The following BPIFA2 variants were observed in gnomAD, a reference collection of about 807,000 sequenced individuals.
BPIFA2 encodes the protein BPI fold containing family A member 2, also known as BPI fold-containing family A member 2.
BPIFA2 carries 20 observed loss-of-function variants against 25.7 expected under a neutral mutation model. That is an observed-to-expected ratio of 0.78 (90% CI 0.55 to 1.13). BPIFA2 has a LOEUF of 1.13. Ranked by LOEUF, BPIFA2 falls within the 50% of genes most tolerant of loss-of-function variation. BPIFA2 has a pLI of 0.00. For missense variants in BPIFA2, 300 were observed against 298.1 expected (o/e 1.01, Z -0.05); for synonymous variants, 126 against 124.3 (o/e 1.01, Z -0.09).
intron 4 of BPIFA2, 151 bp from the exon 5 acceptor site, chr20:33,175,256 C>A: frequency 2.8e-6 from 2 of 706,082 alleles, no homozygotes; most frequent in Non-Finnish European, 4.4e-6. Flanking sequence ...ATGTAAATCT[C>A]ATAGAGGATA....
intron 1 of BPIFA2, 41 bp downstream of exon 1, chr20:33,168,250 T>A (rs1983784543): frequency 6.6e-6 from 1 of 152,354 alleles, no homozygotes; most frequent in Non-Finnish European, 1.5e-5. Flanking sequence ...CACGTGGTGG[T>A]CTTTGGAAGG....
Position 33,180,064 on chromosome 20 carries a change from C to G in BPIFA2, c.709+397C>G, listed in dbSNP as rs543166189. Among the ~76,000 whole-genome samples, 217 of 151,748 alleles carry G rather than the reference C, an allele frequency of 1.4e-3. 1 individual carries two copies. The highest frequency in any genetic ancestry group is 5.1e-3 in the African/African-American group (211 of 41,366). On this transcript the variant is annotated intron_variant, in intron 7 of 8. Transcript: ENST00000354932. Reference sequence around the variant, plus strand: ...GAAACCCCATCTCTACTAAAAAATACAAAATTAGCCAGGCGTGGTGGCATC... The same window carrying G: ...GAAACCCCATCTCTACTAAAAAATAGAAAATTAGCCAGGCGTGGTGGCATC...
Position 33,173,032 on chromosome 20 carries a change from C to T in BPIFA2, c.258C>T (p.Asn86=), listed in dbSNP as rs1983953970. 6.2e-7 allele frequency: 1 copy of T among 1,614,036 alleles called. No homozygotes were observed. The highest frequency in any genetic ancestry group is 8.5e-7 in the Non-Finnish European group (1 of 1,180,006). Residue 86 remains asparagine (N), a synonymous_variant, in exon 3 of 9, where the codon AAC becomes AAT. Coordinates refer to ENST00000354932, the MANE Select transcript of BPIFA2 (RefSeq NM_080574.4). ...CCCAGGAAGCTGAGAAATTGCTGAA[C>T]AATGTCATTTCTAAGCTGCTTCCAA... The part of the protein sequence containing the change: ...QKAQEAEKLL[N]NVISKLLPTN...
intron 7 of BPIFA2, 21 bp from the exon 8 acceptor site, chr20:33,180,499 C>G (rs1385237756): frequency 6.2e-7 from 1 of 1,609,550 alleles, no homozygotes; most frequent in Non-Finnish European, 8.5e-7. Flanking sequence ...CTAAGGCCTG[C>G]TATTGATTTT....
At chr20:33,180,250 A>C (rs900735165) in intron 7 of BPIFA2, among the ~76,000 whole-genome samples, 2 of 151,936 alleles carry the variant, frequency 1.3e-5, no homozygotes, top group Non-Finnish European at 2.9e-5. Context: ...AGAAGAAGAA[A>C]GGAAATAGCC....
chr20:33,177,425 C>A (rs910149989), intron 5 of BPIFA2, among the ~76,000 whole-genome samples: 81 of 151,876 alleles, frequency 5.3e-4, no homozygotes, highest in African/African-American at 1.9e-3. Flanking sequence ...CTCTGGAGAA[C>A]TGATTGGTGA....
chr20:33,163,789 A>AAT (rs142912228), upstream of BPIFA2, among the ~76,000 whole-genome samples: 1,093 of 148,552 alleles, frequency 7.4e-3, 12 homozygotes, highest in African/African-American at 0.02. Flanking sequence ...CTTTGTTTAA[A>AAT]ATATATATAT....
chr20:33,165,528 G>C (rs200808064), upstream of BPIFA2, among the ~76,000 whole-genome samples: 1 of 152,280 alleles, frequency 6.6e-6, no homozygotes, highest in East Asian at 1.9e-4. Context: ...CCTGTCACTC[G>C]CTTTCTCTGG....
chr20:33,173,144 A>C (rs866044189), intron 3 of BPIFA2, 68 bp downstream of exon 3: 15 of 1,546,944 alleles, frequency 9.7e-6, no homozygotes, highest in Non-Finnish European at 1.2e-5. Context: ...TGAGGAGGTA[A>C]GTTTAAGATG....
chr20:33,172,799 A>G, intron 2 of BPIFA2, 133 bp from the exon 3 acceptor site: 3 of 1,000,922 alleles, frequency 3.0e-6, no homozygotes, highest in East Asian at 2.7e-5. Context: ...GCAGACAGTG[A>G]CAATATCTAC....
intron 5 of BPIFA2, among the ~76,000 whole-genome samples, chr20:33,176,865 C>T (rs192475548): frequency 2.0e-5 from 3 of 152,246 alleles, no homozygotes; most frequent in African/African-American, 4.8e-5. Flanking sequence ...AGCTTAAGAC[C>T]TTTGCCTGGG....
chr20:33,180,727 A>G, intron 8 of BPIFA2, 130 bp downstream of exon 8: 1 of 692,826 alleles, frequency 1.4e-6, no homozygotes, highest in South Asian at 1.9e-5. Context: ...CCTGGCCCCC[A>G]TCCCAGGCTA....
At chr20:33,178,768 G>A (rs148029101) in intron 6 of BPIFA2, among the ~76,000 whole-genome samples, 22 of 152,270 alleles carry the variant, frequency 1.4e-4, no homozygotes, top group African/African-American at 5.1e-4. Context: ...CCTCCGGATG[G>A]CTCTGTGACC....
Position 33,179,631 on chromosome 20 carries a change from C to T in BPIFA2, c.673C>T (p.His225Tyr). The T allele has an allele frequency of 6.2e-7, 1 of 1,613,050 alleles. No individual in the cohort carries two copies. The highest frequency in any genetic ancestry group is 8.5e-7 in the Non-Finnish European group (1 of 1,179,204). ...EICPLIRIFI[H>Y]SLDVNVIQQV... ...ATGTCCACTGATCCGCATCTTCATC[C>T]ACTCCCTGGATGTGAATGTCATTCA... is the stretch of plus-strand genomic sequence containing the variant. The change falls in exon 7 of 9, where the codon CAC becomes TAC. Residue 225 changes from histidine (H) to tyrosine (Y), a missense_variant. His to Tyr is a moderately conservative substitution (Grantham distance 83). Coordinates refer to ENST00000354932, the MANE Select transcript of BPIFA2 (RefSeq NM_080574.4).
chr20:33,165,014 T>A (rs1222612113), upstream of BPIFA2, among the ~76,000 whole-genome samples: 3 of 152,224 alleles, frequency 2.0e-5, no homozygotes, highest in Non-Finnish European at 4.4e-5. Context: ...AGTGTCCAGA[T>A]GTGGAATCCG....
intron 2 of BPIFA2, among the ~76,000 whole-genome samples, chr20:33,170,820 G>C (rs376745566): frequency 2.0e-5 from 3 of 152,120 alleles, no homozygotes; most frequent in Admixed American, 1.3e-4. Context: ...GTCTTTGCCC[G>C]TGCCTATGTC....
At chr20:33,173,239 T>C (rs1983962675) in intron 3 of BPIFA2, among the ~76,000 whole-genome samples, 163 bp downstream of exon 3, 1 of 152,112 alleles carries the variant, frequency 6.6e-6, no homozygotes, top group Non-Finnish European at 1.5e-5. Context: ...TTGAGTAAAT[T>C]AGAGGCAGGG....
At chr20:33,178,638 T>C (rs947525898) in intron 6 of BPIFA2, among the ~76,000 whole-genome samples, 81 of 152,206 alleles carry the variant, frequency 5.3e-4, no homozygotes, top group African/African-American at 1.9e-3. Context: ...TTTTTTTCCA[T>C]CTGTGCATCA....
Position 33,180,555 on chromosome 20 carries a change from A to T in BPIFA2, c.745A>T (p.Ile249Phe), listed in dbSNP as rs571582152. ...PQHKTQLQTL[I>F] ...GCACAAAACCCAGCTGCAAACCCTC[A>T]TCTGAAGAGGACGAATGAGGAGGAC... Residue 249 changes from isoleucine (I) to phenylalanine (F), a missense_variant, in exon 8 of 9, where the codon ATC (isoleucine) becomes TTC (phenylalanine). Transcript: ENST00000354932. 3 of 1,612,386 alleles carry T rather than the reference A, an allele frequency of 1.9e-6. No individual in the cohort carries two copies. The South Asian group carries it at 3.3e-5, about 18-fold the overall frequency.
Sources: gnomAD v4.1 joint callset for allele counts (sites outside exome capture counted in the v4.1 genomes callset) on GRCh38, gnomAD v4.1.1 for gene constraint, MANE v1.5 for transcripts, NCBI Gene and HGNC (gene_info 2026-07-23, HGNC 2026-07-21) for gene names.